Variants in LRP1B observed in about 807,000 individuals in gnomAD.
LRP1B encodes the protein LDL receptor related protein 1B.
In LRP1B, 217 loss-of-function variants were observed where a neutral mutation model predicts 556.6. That is an observed-to-expected ratio of 0.39 (90% CI 0.35 to 0.44). The LOEUF (loss-of-function observed/expected upper bound fraction) is 0.44, where lower values mean the gene tolerates loss of function less well. Ranked by LOEUF, LRP1B falls within the 20% of genes least tolerant of loss-of-function variation. The pLI is 1.00. For synonymous variants in LRP1B, 2,047 were observed against 1,865.8 expected (o/e 1.10, Z -2.50); for missense variants, 5,053 against 5,620.8 (o/e 0.90, Z 3.23).
At chr2:140,679,966 AT>A (rs1685805313) in intron 41 of LRP1B, among the ~76,000 whole-genome samples, 1 of 151,576 alleles carries the variant, frequency 6.6e-6, no homozygotes. Context: ...TTATTTATTT[AT>A]TTATTTTTTG....
chr2:140,483,623 T>C (rs568332900), intron 59 of LRP1B, among the ~76,000 whole-genome samples: 105 of 42,906 alleles, frequency 2.4e-3, no homozygotes, highest in Middle Eastern at 0.017. Flanking sequence ...CACATATATA[T>C]ATATATATAT....
chr2:141,397,537 C>T lies in LRP1B; in HGVS notation c.343+82859G>A, dbSNP rs140540502. On this transcript the variant is annotated intron_variant, in intron 3 of 90. Coordinates refer to ENST00000389484, the MANE Select transcript of LRP1B (RefSeq NM_018557.3). ...ATATTAATACACAATATTGGAATAA[C>T]GCATTAAAGGAAACTGACTTAATAG... is the stretch of plus-strand genomic sequence containing the variant. Among the ~76,000 whole-genome samples, 221 of 151,732 alleles carry T rather than the reference C, an allele frequency of 1.5e-3. 2 individuals carry two copies. The highest frequency in any genetic ancestry group is 0.012 in the Admixed American group (187 of 15,228).
At chr2:140,645,525 C>T (rs1486172035) in intron 41 of LRP1B, among the ~76,000 whole-genome samples, 1 of 147,886 alleles carries the variant, frequency 6.8e-6, no homozygotes, top group East Asian at 2.0e-4. Context: ...TAACCCTTTG[C>T]CAATATTCTT....
chr2:140,429,772 C>G (rs1031670727), intron 66 of LRP1B, among the ~76,000 whole-genome samples: 2 of 152,174 alleles, frequency 1.3e-5, no homozygotes, highest in Non-Finnish European at 2.9e-5. Flanking sequence ...GGCTGCCCAT[C>G]ATGTCTCCGT....
chr2:140,540,131 T>G (rs1382098945), intron 45 of LRP1B, among the ~76,000 whole-genome samples: 1 of 152,082 alleles, frequency 6.6e-6, no homozygotes, highest in African/African-American at 2.4e-5. Flanking sequence ...CTTATTTTTA[T>G]TATGTAGACA....
At chr2:140,426,962 T>C (rs1039198098) in intron 66 of LRP1B, among the ~76,000 whole-genome samples, 3 of 152,190 alleles carry the variant, frequency 2.0e-5, no homozygotes, top group Admixed American at 6.5e-5. Context: ...AAGCAGCCTC[T>C]TTTTACTCTC....
At position 141,923,397 on chromosome 2, in the gene LRP1B, C is replaced by CTA. The variant is rs58423542; in HGVS notation, c.83-112997_83-112996insTA. Among the ~76,000 whole-genome samples, 2 of 120,262 alleles carry CTA rather than the reference C, an allele frequency of 1.7e-5. 1 individual carries two copies. The highest frequency in any genetic ancestry group is 3.4e-5 in the Non-Finnish European group (2 of 59,548). 78.9% of individuals were successfully genotyped at this position (120,262 alleles called of 152,430 possible). A position where few individuals can be genotyped will look rare whatever the true frequency, so the allele number is the denominator to read the frequency against. On this transcript the variant is annotated intron_variant, in intron 1 of 90. Coordinates refer to ENST00000389484, the MANE Select transcript of LRP1B (RefSeq NM_018557.3). ...ATATAAATTTTTAATGAAATTATCT[C>CTA]TGTCACTATATATATATATATATAT...
chr2:140,471,822 T>A (rs1687781858), intron 60 of LRP1B, among the ~76,000 whole-genome samples: 1 of 152,166 alleles, frequency 6.6e-6, no homozygotes, highest in African/African-American at 2.4e-5. Flanking sequence ...TGGCCCCAAT[T>A]TGCCCTTGTT....
At chr2:140,617,816 A>ATC (rs1314897349) in intron 41 of LRP1B, among the ~76,000 whole-genome samples, 19 of 152,138 alleles carry the variant, frequency 1.2e-4, no homozygotes, top group Admixed American at 7.2e-4. Flanking sequence ...TGAACTAACC[A>ATC]TCTGGTCCTC....
At chr2:140,778,734 A>G (rs1325454662) in intron 32 of LRP1B, among the ~76,000 whole-genome samples, 1 of 145,118 alleles carries the variant, frequency 6.9e-6, no homozygotes, top group East Asian at 1.9e-4. Flanking sequence ...GTTTTAAAAG[A>G]AGAATGTCTA....
chr2:141,756,895 T>A (rs1417941954), intron 2 of LRP1B, among the ~76,000 whole-genome samples: 1 of 152,146 alleles, frequency 6.6e-6, no homozygotes, highest in Non-Finnish European at 1.5e-5. Context: ...AACATATTCT[T>A]GTTATTGAGT....
chr2:140,811,979 A>G (rs895411412), intron 32 of LRP1B, among the ~76,000 whole-genome samples: 4 of 152,088 alleles, frequency 2.6e-5, no homozygotes, highest in Admixed American at 6.6e-5. Context: ...TCTTTTACAC[A>G]TTTAAATTTC....
intron 1 of LRP1B, among the ~76,000 whole-genome samples, chr2:142,057,069 T>C (rs1007383819): frequency 6.6e-6 from 1 of 152,172 alleles, no homozygotes; most frequent in African/African-American, 2.4e-5. Flanking sequence ...TGTCATCTAA[T>C]GGGACTAATG....
intron 7 of LRP1B, among the ~76,000 whole-genome samples, chr2:141,130,476 T>A (rs1159843496): frequency 6.6e-6 from 1 of 152,106 alleles, no homozygotes; most frequent in African/African-American, 2.4e-5. Flanking sequence ...ACCATGTAAT[T>A]TTTGTAATGT....
intron 2 of LRP1B, among the ~76,000 whole-genome samples, chr2:141,757,531 T>G (rs1245564358): frequency 6.6e-6 from 1 of 152,150 alleles, no homozygotes; most frequent in Non-Finnish European, 1.5e-5. Flanking sequence ...CTTTTGTGCA[T>G]TTATTGGTTG....
At chr2:141,426,128 T>C (rs1431467110) in intron 3 of LRP1B, among the ~76,000 whole-genome samples, 1 of 152,108 alleles carries the variant, frequency 6.6e-6, no homozygotes, top group African/African-American at 2.4e-5. Context: ...CAGTTTCAGC[T>C]TTCTACATAT....
Position 141,905,172 on chromosome 2 carries a change from G to A in LRP1B, c.83-94771C>T, listed in dbSNP as rs566996974. Among the ~76,000 whole-genome samples the A allele has an allele frequency of 1.1e-4, 17 of 151,990 alleles. No homozygotes were observed. In the East Asian group the frequency reaches 2.5e-3, roughly 23 times the overall value. On this transcript the variant is annotated intron_variant, in intron 1 of 90. Coordinates refer to ENST00000389484, the MANE Select transcript of LRP1B (RefSeq NM_018557.3). ...AAACTCCGCAGAGTTAGGAATTGGT[G>A]CTTAGAGGGTAATTGCTGGATTCAA...
chr2:140,240,708 C>T (rs1471652782), intron 87 of LRP1B, among the ~76,000 whole-genome samples: 1 of 150,674 alleles, frequency 6.6e-6, no homozygotes, highest in Admixed American at 6.6e-5. Flanking sequence ...CCTAAGAAAC[C>T]AAGCAGCCCA....
intron 41 of LRP1B, among the ~76,000 whole-genome samples, chr2:140,630,038 T>A (rs1333027454): frequency 6.6e-6 from 1 of 152,198 alleles, no homozygotes; most frequent in East Asian, 1.9e-4. Flanking sequence ...ACTTGGCTCA[T>A]GAAAAGAACT....
Sources: allele counts gnomAD v4.1 joint callset (sites outside exome capture counted in the v4.1 genomes callset), GRCh38; gene constraint gnomAD v4.1.1; transcripts MANE v1.5; gene names NCBI Gene and HGNC (gene_info 2026-07-23, HGNC 2026-07-21).